The following BABAM2 variants were observed in gnomAD, a reference collection of about 807,000 sequenced individuals.
BABAM2 encodes the protein BRISC and BRCA1-A complex member 2.
A neutral mutation model predicts 54.7 loss-of-function variants in BABAM2; 31 were observed. That is an observed-to-expected ratio of 0.57 (90% CI 0.43 to 0.77). The LOEUF (loss-of-function observed/expected upper bound fraction) is 0.77. BABAM2 is among the 30% of genes least tolerant of loss of function. BABAM2 has a pLI of 0.00. For synonymous variants in BABAM2, 167 were observed against 162.9 expected, an observed-to-expected ratio of 1.03 and a Z score of -0.19; for missense variants, 364 against 455.8, an observed-to-expected ratio of 0.80 and a Z score of 1.83.
At chr2:28,048,695 C>T (rs1009971857) in intron 6 of BABAM2, among the ~76,000 whole-genome samples, 6 of 152,102 alleles carry the variant, frequency 3.9e-5, no homozygotes, top group African/African-American at 1.4e-4. Flanking sequence ...AGTTGTGTAC[C>T]CCTGAACTTC....
chr2:28,196,992 G>A (rs2147940339), intron 7 of BABAM2, among the ~76,000 whole-genome samples: 1 of 151,766 alleles, frequency 6.6e-6, no homozygotes, highest in Admixed American at 6.6e-5. Context: ...CTACAGGTGT[G>A]TGCCACCCAC....
chr2:27,932,803 C>A (rs1321766850), intron 3 of BABAM2, among the ~76,000 whole-genome samples: 25 of 152,182 alleles, frequency 1.6e-4, no homozygotes, highest in Admixed American at 1.5e-3. Context: ...TCCTCCTCAT[C>A]AGTAGCCTCT....
intron 3 of BABAM2, among the ~76,000 whole-genome samples, chr2:27,976,600 G>A (rs1671625085): frequency 6.6e-6 from 1 of 152,112 alleles, no homozygotes; most frequent in Admixed American, 6.5e-5. Context: ...AGACATATTG[G>A]AGAGTGATAG....
At chr2:28,044,396 A>AT (rs1359576919) in intron 5 of BABAM2, among the ~76,000 whole-genome samples, 35 of 151,964 alleles carry the variant, frequency 2.3e-4, no homozygotes, top group African/African-American at 8.5e-4. Context: ...CGCCCGGCTA[A>AT]TTTTTGTATT....
intron 7 of BABAM2, among the ~76,000 whole-genome samples, chr2:28,135,970 A>G (rs116332590): frequency 5.1e-4 from 77 of 152,242 alleles, no homozygotes; most frequent in African/African-American, 1.9e-3. Flanking sequence ...AGAAGCTTCA[A>G]TGCCTCTCTG....
intron 11 of BABAM2, among the ~76,000 whole-genome samples, chr2:28,302,433 T>A (rs1170738920): frequency 1.4e-5 from 2 of 147,352 alleles, no homozygotes; most frequent in South Asian, 4.3e-4. Context: ...AAAAAAAAAA[T>A]GTATCTGTTA....
Position 28,073,885 on chromosome 2 carries a change from CAT to C in BABAM2, c.570+28093_570+28094del, listed in dbSNP as rs139095127. 3.5e-3 allele frequency among the ~76,000 whole-genome samples: 540 copies of C among 152,182 alleles called. 2 individuals are homozygous for C. The highest frequency in any genetic ancestry group is 0.012 in the African/African-American group (508 of 41,498). On this transcript the variant is annotated intron_variant, in intron 6 of 11. Coordinates refer to ENST00000379624, the MANE Select transcript of BABAM2 (RefSeq NM_199191.3). ...CAGTGAATATCCATGAACACACAGA[CAT>C]ATATATCTAATTGCTAATTAGGATA...
intron 11 of BABAM2, among the ~76,000 whole-genome samples, chr2:28,306,603 T>C (rs182723879): frequency 5.3e-5 from 8 of 152,276 alleles, no homozygotes; most frequent in African/African-American, 1.9e-4. Flanking sequence ...GTCTGTGTCT[T>C]TATATTTGAA....
At chr2:28,018,396 A>T (rs1435960523) in intron 4 of BABAM2, among the ~76,000 whole-genome samples, 1 of 151,746 alleles carries the variant, frequency 6.6e-6, no homozygotes, top group East Asian at 1.9e-4. Context: ...TTCTTTATCC[A>T]CTCGTTGATT....
chr2:28,269,837 A>AT (rs1195010217), intron 10 of BABAM2, among the ~76,000 whole-genome samples: 2 of 148,978 alleles, frequency 1.3e-5, no homozygotes, highest in Non-Finnish European at 3.0e-5. Flanking sequence ...GATATTTTGG[A>AT]TTTTTTCTTG....
intron 11 of BABAM2, among the ~76,000 whole-genome samples, chr2:28,335,748 T>A (rs1184118213): frequency 6.6e-6 from 1 of 152,082 alleles, no homozygotes; most frequent in Non-Finnish European, 1.5e-5. Flanking sequence ...CAGGAGTATT[T>A]GTCCTGAGCA....
At chr2:28,211,987 CA>C (rs1679509636) in intron 7 of BABAM2, among the ~76,000 whole-genome samples, 2 of 151,788 alleles carry the variant, frequency 1.3e-5, no homozygotes, top group Admixed American at 1.3e-4. Flanking sequence ...TTTTTTTTCC[CA>C]TAAGTCTCTT....
At chr2:28,026,987 T>A (rs1308235861) in intron 5 of BABAM2, among the ~76,000 whole-genome samples, 3 of 115,516 alleles carry the variant, frequency 2.6e-5, no homozygotes, top group African/African-American at 6.9e-5. Flanking sequence ...TAAATATATA[T>A]AAAAATATAT....
At position 27,890,787 on chromosome 2, in the gene BABAM2, C is replaced by T. The variant is rs1664750575; in HGVS notation, c.-80C>T. On this transcript the variant is annotated 5_prime_UTR_variant, in exon 1 of 12. Transcript: ENST00000379624. This position sits in a 1 kb window ranked among gnomAD's most constrained non-coding sequence, Gnocchi z 4.8. ...CAGGTCGGTGCGTCTGTCGGGGGCG[C>T]GCTCGGGTACCTGTACCCCACGTAG... is the stretch of plus-strand genomic sequence containing the variant. 6.6e-6 allele frequency: 1 copy of T among 152,596 alleles called. No homozygotes were observed. The highest frequency in any genetic ancestry group is 2.4e-5 in the African/African-American group (1 of 41,432). 9.5% of individuals were successfully genotyped at this position (152,596 alleles called of 1,614,324 possible).
At chr2:28,138,242 G>T (rs1407070895) in intron 7 of BABAM2, among the ~76,000 whole-genome samples, 2 of 152,176 alleles carry the variant, frequency 1.3e-5, no homozygotes, top group African/African-American at 4.8e-5. Context: ...ACTGATGGAA[G>T]ATATCAACCC....
chr2:28,246,475 T>G (rs1277031891), intron 10 of BABAM2, among the ~76,000 whole-genome samples: 1 of 152,204 alleles, frequency 6.6e-6, no homozygotes, highest in African/African-American at 2.4e-5. Flanking sequence ...TTGTCTGGTG[T>G]GATTATCCTA....
At chr2:28,099,170 A>T (rs7577389) in intron 6 of BABAM2, among the ~76,000 whole-genome samples, 10,829 of 152,252 alleles carry the variant, frequency 0.071, 455 homozygotes, top group East Asian at 0.15. Flanking sequence ...TGCAGTAACC[A>T]TACGAACATA....
Position 28,112,147 on chromosome 2 carries a change from T to C in BABAM2, c.571-17124T>C, listed in dbSNP as rs1403537144. ...TTTCTTTCTTTCTTTCTTTCTTTCT[T>C]TACCTCCCTCCCTCCCTCCCTCCCT... is the stretch of plus-strand genomic sequence containing the variant. On this transcript the variant is annotated intron_variant, in intron 6 of 11. Coordinates refer to ENST00000379624, the MANE Select transcript of BABAM2 (RefSeq NM_199191.3). Among the ~76,000 whole-genome samples the C allele has an allele frequency of 9.0e-3, 47 of 5,230 alleles. 2 individuals are homozygous for C. Among genetic ancestry groups the C allele is most frequent in the African/African-American group, 0.017 (17 of 1,024 alleles). 3.4% of individuals were successfully genotyped at this position (5,230 alleles called of 152,430 possible).
In BABAM2 at chr2:28,325,251, G is replaced by C. The variant is rs1163084745; in HGVS notation, c.1089-13199G>C. Among the ~76,000 whole-genome samples the C allele has an allele frequency of 6.6e-6, 1 of 152,142 alleles. No homozygotes were observed. Among genetic ancestry groups the C allele is most frequent in the Admixed American group, 6.5e-5 (1 of 15,274 alleles). ...CTCCCTTTCTGTAACGGAAGCCTGG[G>C]GCCGCAGGGCTACCTGCTGTCAGCA... is the stretch of plus-strand genomic sequence containing the variant. On this transcript the variant is annotated intron_variant, in intron 11 of 11. Transcript: ENST00000379624. The surrounding 1 kb of genome is among the most constrained non-coding windows in gnomAD (Gnocchi z 4.3).
Sources: allele counts gnomAD v4.1 joint callset (sites outside exome capture counted in the v4.1 genomes callset), GRCh38; gene constraint gnomAD v4.1.1; non-coding constraint Gnocchi (gnomAD v3.1); transcripts MANE v1.5; gene names NCBI Gene and HGNC (gene_info 2026-07-23, HGNC 2026-07-21).